The following PIEZO2 variants were observed in gnomAD, a reference collection of about 807,000 sequenced individuals.
The protein encoded by PIEZO2 is piezo-type mechanosensitive ion channel component 2.
Under a neutral mutation model 337.3 loss-of-function variants are expected in PIEZO2, and 172 were observed. The ratio of observed to expected loss-of-function variants is 0.51; its 90% CI spans 0.45 to 0.58. The LOEUF is 0.58. Among genes scored for constraint, PIEZO2 ranks in the 20% least tolerant of loss-of-function variants. PIEZO2 has a pLI of 0.00. For missense variants in PIEZO2, 3,028 were observed against 3,391.3 expected (o/e 0.89, Z 2.66); for synonymous variants, 1,251 against 1,228.5 (o/e 1.02, Z -0.38).
Position 11,004,651 on chromosome 18 carries a change from G to C in PIEZO2, c.161-24991C>G, listed in dbSNP as rs112366240. On this transcript the variant is annotated intron_variant, in intron 2 of 55. Coordinates refer to ENST00000674853, the MANE Select transcript of PIEZO2 (RefSeq NM_001378183.1). ...TGATGAAGCTGTCAAAATCAGAAGGGAGATTCTTTTGTGAAGAAATGTTGA... is the reference window on the plus strand; with the variant it reads ...TGATGAAGCTGTCAAAATCAGAAGGCAGATTCTTTTGTGAAGAAATGTTGA... Among the ~76,000 whole-genome samples, 343 of 152,308 alleles carry C rather than the reference G, an allele frequency of 2.3e-3. 3 individuals are homozygous for C. The highest frequency in any genetic ancestry group is 7.8e-3 in the African/African-American group (324 of 41,562).
chr18:10,762,466 T>A, intron 23 of PIEZO2, 34 bp downstream of exon 23: 1 of 1,530,032 alleles, frequency 6.5e-7, no homozygotes, highest in African/African-American at 1.4e-5. Flanking sequence ...TATAACGGAG[T>A]GGAGGCCCAA....
rs1399026781 is a variant in PIEZO2, at chr18:10,720,393, GTGTGTGTGTGTA to G, written c.5030-2146_5030-2135del. 3.1e-3 allele frequency among the ~76,000 whole-genome samples: 99 copies of G among 31,586 alleles called. 3 individuals carry two copies. The highest frequency in any genetic ancestry group is 7.9e-3 in the African/African-American group (79 of 10,026). The allele number at this position is 31,586 out of a possible 152,430, so 20.7% of individuals were successfully genotyped here. A position where few individuals can be genotyped will look rare whatever the true frequency, so the allele number is the denominator to read the frequency against. ...TGTGTGTGTGTGTGTGTGTGTGTGT[GTGTGTGTGTGTA>G]TGTGTATGTGTATGTATATATATAT... On this transcript the variant is annotated intron_variant, in intron 36 of 55. Transcript: ENST00000674853.
At chr18:11,060,838 G>A (rs1425804140) in intron 2 of PIEZO2, among the ~76,000 whole-genome samples, 7 of 149,708 alleles carry the variant, frequency 4.7e-5, no homozygotes, top group Non-Finnish European at 8.9e-5. Flanking sequence ...ACAAGGAGGA[G>A]CTGGTACCAT....
intron 9 of PIEZO2, among the ~76,000 whole-genome samples, chr18:10,802,085 C>CAAAAAAAAAAAAA (rs58924448): frequency 8.3e-5 from 8 of 96,618 alleles, no homozygotes; most frequent in African/African-American, 1.2e-4. Flanking sequence ...GACTCCGTCT[C>CAAAAAAAAAAAAA]AAAAAAAAAA....
intron 1 of PIEZO2, among the ~76,000 whole-genome samples, chr18:11,119,697 G>A (rs930317657): frequency 2.0e-5 from 3 of 152,186 alleles, no homozygotes; most frequent in Non-Finnish European, 4.4e-5. Flanking sequence ...ATGAAGCTGA[G>A]TGTAGCCCTT....
At chr18:11,020,819 G>A (rs1044642686) in intron 2 of PIEZO2, among the ~76,000 whole-genome samples, 3 of 152,122 alleles carry the variant, frequency 2.0e-5, no homozygotes, top group Non-Finnish European at 2.9e-5. Flanking sequence ...CTTGACATTC[G>A]TTGTTTTATA....
chr18:10,725,353 T>A (rs548244657), intron 36 of PIEZO2: 1 of 1,605,936 alleles, frequency 6.2e-7, no homozygotes, highest in African/African-American at 1.3e-5. Context: ...AGTGAAGACC[T>A]GCTGTCCCAG....
chr18:10,932,559 C>T (rs1280352263), intron 3 of PIEZO2, among the ~76,000 whole-genome samples: 1 of 152,082 alleles, frequency 6.6e-6, no homozygotes, highest in African/African-American at 2.4e-5. Context: ...CAGTTACATC[C>T]AGAGCAGAAG....
chr18:10,971,739 T>A (rs1196551985), intron 3 of PIEZO2, among the ~76,000 whole-genome samples: 2 of 152,190 alleles, frequency 1.3e-5, no homozygotes, highest in Non-Finnish European at 2.9e-5. Context: ...AATTTATGTA[T>A]CCTAATCATA....
Position 10,982,565 on chromosome 18 carries a change from G to T in PIEZO2, c.161-2905C>A, listed in dbSNP as rs112345931. On this transcript the variant is annotated intron_variant, in intron 2 of 55. Transcript: ENST00000674853. This position sits in a 1 kb window ranked among gnomAD's most constrained non-coding sequence, Gnocchi z 4.1. ...GTATATTTCAAAATATGTAAGAAAA[G>T]AATGCTTTGAAGAATTTCAACAAAC... 3.8e-3 allele frequency among the ~76,000 whole-genome samples: 579 copies of T among 152,232 alleles called. 6 individuals are homozygous for T. The highest frequency in any genetic ancestry group is 0.013 in the African/African-American group (531 of 41,546).
chr18:10,741,798 T>C (rs59127180), intron 32 of PIEZO2, among the ~76,000 whole-genome samples: 2,372 of 152,200 alleles, frequency 0.016, 62 homozygotes, highest in African/African-American at 0.045. Context: ...CATTTCCATA[T>C]AAAATTTATA....
At chr18:11,119,371 C>A (rs2039972609) in intron 1 of PIEZO2, among the ~76,000 whole-genome samples, 1 of 152,134 alleles carries the variant, frequency 6.6e-6, no homozygotes, top group South Asian at 2.1e-4. Flanking sequence ...ATCTCTTGAC[C>A]TCGTGATCCA....
At position 10,830,482 on chromosome 18, in the gene PIEZO2, T is replaced by A. The variant is rs60738029; in HGVS notation, c.918-23208A>T. On this transcript the variant is annotated intron_variant, in intron 7 of 55. Transcript: ENST00000674853. This position sits in a 1 kb window ranked among gnomAD's most constrained non-coding sequence, Gnocchi z 4.7. Reference sequence around the variant, plus strand: ...CCCCCTTTTATGCCTCTGGTTGCACTTGAATAAAACTAGACCTCTATTTCT... The same window carrying A: ...CCCCCTTTTATGCCTCTGGTTGCACATGAATAAAACTAGACCTCTATTTCT... 0.2 allele frequency among the ~76,000 whole-genome samples: 30,027 copies of A among 151,802 alleles called. 3,852 individuals are homozygous for A. Among genetic ancestry groups the A allele is most frequent in the African/African-American group, 0.37 (15,238 of 41,342 alleles).
chr18:10,805,484 C>G (rs2039972892), intron 8 of PIEZO2, among the ~76,000 whole-genome samples: 1 of 152,176 alleles, frequency 6.6e-6, no homozygotes, highest in African/African-American at 2.4e-5. Context: ...CCATTGCACT[C>G]CAGCCTGGGC....
chr18:10,731,215 A>ATATATG (rs1290190163), intron 36 of PIEZO2, among the ~76,000 whole-genome samples, 192 bp downstream of exon 36: 23 of 128,738 alleles, frequency 1.8e-4, no homozygotes, highest in African/African-American at 6.8e-4. Flanking sequence ...ATATATATAT[A>ATATATG]TATCTCCTAA....
In PIEZO2 at chr18:10,973,319, T is replaced by C. The variant is rs1449001308; in HGVS notation, c.286+6216A>G. Among the ~76,000 whole-genome samples the C allele has an allele frequency of 1.3e-5, 2 of 152,212 alleles. No homozygotes were observed. Among genetic ancestry groups the C allele is most frequent in the East Asian group, 3.9e-4 (2 of 5,188 alleles). On this transcript the variant is annotated intron_variant, in intron 3 of 55. Transcript: ENST00000674853. This position sits in a 1 kb window ranked among gnomAD's most constrained non-coding sequence, Gnocchi z 4.9. ...CAAGAGCGTTGACTCCATCAGATAT[T>C]GGGCTACAAAAGTTCTCTTTCAGCA... is the stretch of plus-strand genomic sequence containing the variant.
chr18:10,844,194 G>A (rs1039492456), intron 7 of PIEZO2, among the ~76,000 whole-genome samples: 2 of 152,060 alleles, frequency 1.3e-5, no homozygotes, highest in Non-Finnish European at 2.9e-5. Context: ...CAAGGAGGGC[G>A]GATCATTTGA....
chr18:11,108,299 C>G (rs2039628383), intron 1 of PIEZO2, among the ~76,000 whole-genome samples: 1 of 152,128 alleles, frequency 6.6e-6, no homozygotes, highest in Non-Finnish European at 1.5e-5. Context: ...CTAGGAAAAG[C>G]TGTTAAATGT....
At chr18:10,893,812 T>C (rs926816485) in intron 4 of PIEZO2, 3 of 152,226 alleles carry the variant, frequency 2.0e-5, no homozygotes, top group Non-Finnish European at 4.4e-5. Context: ...TAGCATTCAA[T>C]TTCACAAACA....
Sources: gnomAD v4.1 joint callset for allele counts (sites outside exome capture counted in the v4.1 genomes callset) on GRCh38, gnomAD v4.1.1 for gene constraint, Gnocchi (gnomAD v3.1) non-coding constraint, MANE v1.5 for transcripts, NCBI Gene and HGNC (gene_info 2026-07-23, HGNC 2026-07-21) for gene names.